TRIM37: variants seen among roughly 807,000 people sequenced by gnomAD.
The protein encoded by TRIM37 is E3 ubiquitin-protein ligase TRIM37.
Under a neutral mutation model 129.8 loss-of-function variants are expected in TRIM37, and 80 were observed. The observed-to-expected ratio is 0.62, with a 90% CI of 0.51 to 0.74. The LOEUF (loss-of-function observed/expected upper bound fraction) is 0.74. TRIM37 is among the 30% of genes least tolerant of loss of function. TRIM37 has a pLI of 0.00. For synonymous variants in TRIM37, 389 were observed against 387.1 expected (o/e 1.00, Z -0.06); for missense variants, 1,054 against 1,176.5 (o/e 0.90, Z 1.52).
At chr17:59,001,050 C>CCA (rs1292866748) in intron 23 of TRIM37, among the ~76,000 whole-genome samples, 1 of 151,870 alleles carries the variant, frequency 6.6e-6, no homozygotes, top group Non-Finnish European at 1.5e-5. Context: ...AAAACATTAG[C>CCA]CAGGCGTGGT....
At chr17:58,976,992 A>T in the TRIM37 span, among the ~76,000 whole-genome samples, 4 of 152,144 alleles carry the variant, frequency 2.6e-5, no homozygotes, top group Admixed American at 2.6e-4. Context: ...GATTTTATTT[A>T]TTATTTATTT....
chr17:59,046,775 C>T (rs914289164), intron 16 of TRIM37, among the ~76,000 whole-genome samples: 5 of 149,972 alleles, frequency 3.3e-5, no homozygotes, highest in Admixed American at 3.3e-4. Context: ...CTCCTGACCT[C>T]GTGATCCACC....
chr17:59,082,885 A>C (rs1298963115), intron 5 of TRIM37, among the ~76,000 whole-genome samples: 1 of 152,180 alleles, frequency 6.6e-6, no homozygotes, highest in Non-Finnish European at 1.5e-5. Flanking sequence ...GTGAGAACTT[A>C]ATTTTTTCTA....
intron 17 of TRIM37, among the ~76,000 whole-genome samples, chr17:59,038,178 A>G (rs1055877502): frequency 2.6e-5 from 4 of 152,202 alleles, no homozygotes; most frequent in Non-Finnish European, 5.9e-5. Flanking sequence ...AAACTGTACT[A>G]TTCAGAAGCA....
intron 12 of TRIM37, 41 bp from the exon 13 acceptor site, chr17:59,057,095 G>T: frequency 1.3e-6 from 2 of 1,587,026 alleles, no homozygotes; most frequent in African/African-American, 1.3e-5. Context: ...AGTTAGTAAA[G>T]TAAGAATAAA....
intron 14 of TRIM37, among the ~76,000 whole-genome samples, chr17:59,050,536 A>G (rs778518809): frequency 7.2e-5 from 11 of 151,840 alleles, no homozygotes; most frequent in Non-Finnish European, 1.0e-4. Context: ...CACAAAAACA[A>G]AAACTAGCCA....
intron 17 of TRIM37, 95 bp downstream of exon 17, chr17:59,041,718 C>T: frequency 1.1e-6 from 1 of 902,914 alleles, no homozygotes; most frequent in Non-Finnish European, 1.8e-6. Context: ...GAACCATGTA[C>T]AAGCAGTGGC....
chr17:59,001,312 TAC>T (rs1471014385), intron 23 of TRIM37, among the ~76,000 whole-genome samples: 1 of 151,652 alleles, frequency 6.6e-6, no homozygotes, highest in Non-Finnish European at 1.5e-5. Context: ...TCACAGACTA[TAC>T]AAAAGCAGGT....
downstream of TRIM37, chr17:58,980,741 C>T: frequency 6.2e-7 from 1 of 1,614,102 alleles, no homozygotes. The surrounding 1 kb of genome is among the most constrained non-coding windows in gnomAD (Gnocchi z 4.7). Context: ...GTTCAAATCC[C>T]CGGGAAACAG....
intron 2 of TRIM37, among the ~76,000 whole-genome samples, chr17:59,102,034 T>C (rs1319062941): frequency 5.9e-5 from 9 of 151,996 alleles, no homozygotes; most frequent in Admixed American, 2.0e-4. Context: ...GAACTTAGAA[T>C]CGGTTTGAGA....
chr17:59,057,556 C>G (rs953599343), intron 12 of TRIM37, among the ~76,000 whole-genome samples: 4 of 152,074 alleles, frequency 2.6e-5, no homozygotes, highest in African/African-American at 9.7e-5. Context: ...TAGAGTCTCA[C>G]TCTGTAGCCC....
chr17:58,989,555 T>C (rs898694568), intron 24 of TRIM37, among the ~76,000 whole-genome samples: 2 of 152,168 alleles, frequency 1.3e-5, no homozygotes, highest in African/African-American at 4.8e-5. Flanking sequence ...AATAGAAATG[T>C]AAGACATGAA....
At chr17:59,029,047 T>C (rs1276744217) in intron 18 of TRIM37, among the ~76,000 whole-genome samples, 1 of 152,198 alleles carries the variant, frequency 6.6e-6, no homozygotes, top group Non-Finnish European at 1.5e-5. Flanking sequence ...AGAGCTTTTA[T>C]TATGTTTATA....
intron 11 of TRIM37, 68 bp downstream of exon 11, chr17:59,062,499 T>C: frequency 1.6e-6 from 2 of 1,261,478 alleles, no homozygotes; most frequent in Non-Finnish European, 2.3e-6. Flanking sequence ...GTAATCAAAT[T>C]AGTATACTAC....
chr17:59,106,422 A>G lies in TRIM37; in HGVS notation c.21+19T>C. On this transcript the variant is annotated intron_variant, in intron 1 of 23. Transcript: ENST00000262294. ...CGGGTGGGGGCGGGGACTAACCACC[A>G]CCCTCACAACCCCCTCACCTCCACG... 1 of 1,613,088 alleles carries G rather than the reference A, an allele frequency of 6.2e-7. No individual in the cohort carries two copies. The highest frequency in any genetic ancestry group is 8.5e-7 in the Non-Finnish European group (1 of 1,179,638).
chr17:59,072,796 T>C (rs1387107612), intron 8 of TRIM37, among the ~76,000 whole-genome samples: 1 of 151,814 alleles, frequency 6.6e-6, no homozygotes, highest in Non-Finnish European at 1.5e-5. Flanking sequence ...TCAAAGTTTA[T>C]AGTCTTGGGT....
At chr17:58,990,344 A>G (rs2032250884) in intron 24 of TRIM37, among the ~76,000 whole-genome samples, 1 of 151,890 alleles carries the variant, frequency 6.6e-6, no homozygotes, top group Non-Finnish European at 1.5e-5. Context: ...CACAAAAATT[A>G]GCTAAGCATG....
chr17:59,024,605 G>C (rs2037024586), intron 19 of TRIM37, among the ~76,000 whole-genome samples: 1 of 152,178 alleles, frequency 6.6e-6, no homozygotes, highest in Non-Finnish European at 1.5e-5. Context: ...ACGGCTCACT[G>C]CACCTCAAAT....
chr17:58,999,161 T>C lies in TRIM37; in HGVS notation c.*216A>G. The C allele has an allele frequency of 7.2e-7, 1 of 1,385,308 alleles. No individual in the cohort carries two copies. Among genetic ancestry groups the C allele is most frequent in the Non-Finnish European group, 9.3e-7 (1 of 1,071,146 alleles). 85.8% of individuals were successfully genotyped at this position (1,385,308 alleles called of 1,614,324 possible). ...GAACTACATTGTTATTTCCTTACAT[T>C]ACAAAGAACTCTTCCCATACTGTTT... On this transcript the variant is annotated 3_prime_UTR_variant, in exon 24 of 24. Transcript: ENST00000262294.
Sources: allele counts gnomAD v4.1 joint callset (sites outside exome capture counted in the v4.1 genomes callset), GRCh38; gene constraint gnomAD v4.1.1; non-coding constraint Gnocchi (gnomAD v3.1); transcripts MANE v1.5; gene names NCBI Gene and HGNC (gene_info 2026-07-23, HGNC 2026-07-21).